The following SIDT1 variants were observed in gnomAD, a reference collection of about 807,000 sequenced individuals.
SIDT1 encodes the protein SID1 transmembrane family, member 1.
SIDT1 carries 101 observed loss-of-function variants against 107.5 expected under a neutral mutation model. The observed-to-expected ratio is 0.94, with a 90% CI of 0.80 to 1.11. SIDT1 has a LOEUF of 1.11. Among genes scored for constraint, SIDT1 ranks in the 50% least tolerant of loss-of-function variants. The pLI, the probability that SIDT1 is intolerant of heterozygous loss-of-function variation, is 0.00. For missense variants in SIDT1, 1,076 were observed against 1,058.2 expected (o/e 1.02, Z -0.23); for synonymous variants, 395 against 398.2 (o/e 0.99, Z 0.10).
chr3:113,572,001 G>A (rs1183096034), intron 3 of SIDT1, among the ~76,000 whole-genome samples: 9 of 152,278 alleles, frequency 5.9e-5, no homozygotes, highest in Non-Finnish European at 5.9e-5. Flanking sequence ...TGGATTTGAA[G>A]AGGACAAAAC....
At chr3:113,597,429 A>G (rs1356821614) in intron 10 of SIDT1, among the ~76,000 whole-genome samples, 2 of 147,974 alleles carry the variant, frequency 1.4e-5, no homozygotes. Context: ...CCCGGGAGGC[A>G]GAGGTTGCAA....
chr3:113,539,040 C>T (rs924633790), intron 1 of SIDT1, among the ~76,000 whole-genome samples: 1 of 152,150 alleles, frequency 6.6e-6, no homozygotes, highest in East Asian at 1.9e-4. Flanking sequence ...AGCTGGAATA[C>T]TTCTATAACG....
intron 19 of SIDT1, among the ~76,000 whole-genome samples, chr3:113,615,625 C>CT (rs1946049319): frequency 6.6e-6 from 1 of 152,162 alleles, no homozygotes; most frequent in African/African-American, 2.4e-5. Context: ...GCCTAGGGTC[C>CT]TTTAGTTCAA....
intron 12 of SIDT1, 80 bp from the exon 13 acceptor site, chr3:113,603,880 C>A: frequency 1.2e-6 from 1 of 862,426 alleles, no homozygotes; most frequent in Non-Finnish European, 1.9e-6. Flanking sequence ...TAAATTGAGA[C>A]ATTTGTTATG....
At chr3:113,570,055 G>A (rs1425098489) in intron 3 of SIDT1, among the ~76,000 whole-genome samples, 1 of 152,048 alleles carries the variant, frequency 6.6e-6, no homozygotes, top group Non-Finnish European at 1.5e-5. Flanking sequence ...ACAGGTGTGT[G>A]CCACCATGCC....
intron 1 of SIDT1, among the ~76,000 whole-genome samples, chr3:113,552,318 G>A (rs1290783942): frequency 2.6e-5 from 4 of 152,166 alleles, no homozygotes; most frequent in African/African-American, 9.7e-5. Flanking sequence ...AGGATAAGGA[G>A]GGAGACAAAC....
intron 4 of SIDT1, among the ~76,000 whole-genome samples, chr3:113,577,782 A>T (rs898110781): frequency 1.3e-5 from 2 of 152,252 alleles, no homozygotes; most frequent in Admixed American, 6.5e-5. Flanking sequence ...AACTGGGATT[A>T]ACATGGACTT....
At chr3:113,635,189 A>G in the SIDT1 span, among the ~76,000 whole-genome samples, 1 of 152,216 alleles carries the variant, frequency 6.6e-6, no homozygotes, top group African/African-American at 2.4e-5. Flanking sequence ...TAGTGTGGTT[A>G]TTTATTTTCT....
intron 9 of SIDT1, among the ~76,000 whole-genome samples, chr3:113,587,988 G>T (rs1943864488): frequency 6.6e-6 from 1 of 152,216 alleles, no homozygotes; most frequent in Non-Finnish European, 1.5e-5. Context: ...ATGGAAAGAA[G>T]TTCCTCTGTT....
At chr3:113,625,034 A>C (rs1341220757) in intron 23 of SIDT1, among the ~76,000 whole-genome samples, 1 of 151,726 alleles carries the variant, frequency 6.6e-6, no homozygotes, top group Non-Finnish European at 1.5e-5. Context: ...TAAACATGGG[A>C]GTGCAGATAA....
At chr3:113,548,880 T>A (rs894549970) in intron 1 of SIDT1, among the ~76,000 whole-genome samples, 12 of 152,292 alleles carry the variant, frequency 7.9e-5, no homozygotes, top group African/African-American at 2.9e-4. Flanking sequence ...CTCATGAGGA[T>A]GTCCGTGTCA....
intron 21 of SIDT1, among the ~76,000 whole-genome samples, chr3:113,621,926 G>T (rs971868554): frequency 1.3e-5 from 2 of 152,146 alleles, no homozygotes; most frequent in African/African-American, 4.8e-5. Flanking sequence ...TGGCTAGTGT[G>T]ACTGAGGAAG....
Position 113,582,566 on chromosome 3 carries a change from G to A in SIDT1, c.748-843G>A, listed in dbSNP as rs188920693. Among the ~76,000 whole-genome samples, 331 of 152,106 alleles carry A rather than the reference G, an allele frequency of 2.2e-3. 2 individuals are homozygous for A. The highest frequency in any genetic ancestry group is 7.6e-3 in the African/African-American group (314 of 41,466). ...GGGAACTTCAAATTGTATTTCATCC[G>A]GGACACTAAATTCATAAAGGGCAAG... On this transcript the variant is annotated intron_variant, in intron 6 of 24. Coordinates refer to ENST00000264852, the MANE Select transcript of SIDT1 (RefSeq NM_017699.3).
At chr3:113,603,752 A>G (rs963707118) in intron 12 of SIDT1, among the ~76,000 whole-genome samples, 2 of 152,224 alleles carry the variant, frequency 1.3e-5, no homozygotes, top group Non-Finnish European at 2.9e-5. Flanking sequence ...GTATCATGGG[A>G]AAAACAACAT....
At chr3:113,535,231 GC>G (rs1937986262) in intron 1 of SIDT1, among the ~76,000 whole-genome samples, 1 of 152,134 alleles carries the variant, frequency 6.6e-6, no homozygotes, top group Admixed American at 6.5e-5. Context: ...CTGAGCTCTT[GC>G]CACTGTACTC....
intron 1 of SIDT1, among the ~76,000 whole-genome samples, chr3:113,541,141 CAT>C (rs1317942397): frequency 3.0e-5 from 4 of 132,444 alleles, no homozygotes; most frequent in African/African-American, 1.0e-4. Context: ...TATACACACA[CAT>C]ACACACACAC....
rs1275293428 is a variant in SIDT1 at position 113,552,996 on chromosome 3, T to G, written c.223-13424T>G. ...GCTGGGGCGTTTGTTAGAAACAACTTCGTGGGCCCAGACATAGGCAGGAAC... is the reference window on the plus strand; with the variant it reads ...GCTGGGGCGTTTGTTAGAAACAACTGCGTGGGCCCAGACATAGGCAGGAAC... On this transcript the variant is annotated intron_variant, in intron 1 of 24. Coordinates refer to ENST00000264852, the MANE Select transcript of SIDT1 (RefSeq NM_017699.3). 2.0e-5 allele frequency among the ~76,000 whole-genome samples: 3 copies of G among 152,210 alleles called. No homozygotes were observed. In the East Asian group the frequency reaches 5.8e-4, roughly 29 times the overall value.
chr3:113,618,799 G>T (rs953885678), intron 20 of SIDT1, among the ~76,000 whole-genome samples: 1 of 152,284 alleles, frequency 6.6e-6, no homozygotes, highest in East Asian at 1.9e-4. Context: ...ATAAATCTCT[G>T]TCAGAGTAAT....
At chr3:113,590,304 A>T (rs1944051490) in intron 9 of SIDT1, 1 of 152,238 alleles carries the variant, frequency 6.6e-6, no homozygotes, top group Non-Finnish European at 1.5e-5. Flanking sequence ...TGCAACTTAT[A>T]GAGTTCCCAT....
Sources: allele counts gnomAD v4.1 joint callset (sites outside exome capture counted in the v4.1 genomes callset), GRCh38; gene constraint gnomAD v4.1.1; transcripts MANE v1.5; gene names NCBI Gene and HGNC (gene_info 2026-07-23, HGNC 2026-07-21).